Variants in SCX observed in about 807,000 individuals in gnomAD.
The protein encoded by SCX is basic helix-loop-helix transcription factor scleraxis.
A neutral mutation model predicts 12.2 loss-of-function variants in SCX; 7 were observed. That is an observed-to-expected ratio of 0.57 (90% CI 0.33 to 1.08). SCX has a LOEUF of 1.08. Among genes scored for constraint, SCX ranks in the 50% least tolerant of loss-of-function variants. SCX has a pLI of 0.04. For missense variants in SCX, 342 were observed against 337.2 expected (o/e 1.01, Z -0.11); for synonymous variants, 193 against 163.9 (o/e 1.18, Z -1.36).
At chr8:144,267,903 C>T (rs1197597772) in intron 1 of SCX, among the ~76,000 whole-genome samples, 1 of 152,242 alleles carries the variant, frequency 6.6e-6, no homozygotes. Context: ...GGGGCCTGAA[C>T]ATCTGGGAAA....
chr8:144,268,077 C>T, intron 1 of SCX, 27 bp from the exon 2 acceptor site: 10 of 1,549,848 alleles, frequency 6.5e-6, no homozygotes, highest in Non-Finnish European at 8.7e-6. Context: ...TCTGCCGGGG[C>T]CTGACACTCC....
At position 144,266,469 on chromosome 8, in the gene SCX, G is replaced by A; in HGVS notation, c.-145G>A. 5 of 981,962 alleles carry A rather than the reference G, an allele frequency of 5.1e-6. No individual in the cohort carries two copies. Among genetic ancestry groups the A allele is most frequent in the South Asian group, 9.4e-5 (2 of 21,364 alleles). The allele number at this position is 981,962 out of a possible 1,614,324, so 60.8% of individuals were successfully genotyped here. Reference sequence around the variant, plus strand: ...CCCCGCTCCGGCCCGGGACGCACATGTGCGCGCGACGCCCGGCAGCTGCCA... The same window carrying A: ...CCCCGCTCCGGCCCGGGACGCACATATGCGCGCGACGCCCGGCAGCTGCCA... On this transcript the variant is annotated 5_prime_UTR_variant, in exon 1 of 2. The change creates a new upstream start codon in the 5' untranslated region. Coordinates refer to ENST00000567180, the MANE Select transcript of SCX (RefSeq NM_001080514.3).
rs1845384969 is a variant in SCX, at chr8:144,266,977, A to G, written c.364A>G (p.Ser122Gly). The G allele has an allele frequency of 6.4e-7, 1 of 1,553,828 alleles. No individual in the cohort carries two copies. Among genetic ancestry groups the G allele is most frequent in the Non-Finnish European group, 8.6e-7 (1 of 1,156,180 alleles). ...GATTGAGACGCTGCGCCTGGCCTCCAGCTACATCTCGCACCTGGGCAACGT... is the reference window on the plus strand; with the variant it reads ...GATTGAGACGCTGCGCCTGGCCTCCGGCTACATCTCGCACCTGGGCAACGT... Reference protein sequence around the residue: ...SKIETLRLASSYISHLGNVLL... With the variant: ...SKIETLRLASGYISHLGNVLL... Residue 122 changes from serine (S) to glycine (G), a missense_variant, in exon 1 of 2, where the codon AGC becomes GGC. Physicochemically the swap from Ser to Gly is moderately conservative, Grantham distance 56. This residue lies in a region of SCX where 161 missense variants were observed against 155.7 expected (regional missense o/e 1.03). Coordinates refer to ENST00000567180, the MANE Select transcript of SCX (RefSeq NM_001080514.3).
Position 144,267,065 on chromosome 8 carries a change from A to T in SCX, c.452A>T (p.His151Leu). 6.9e-7 allele frequency: 1 copy of T among 1,441,922 alleles called. No homozygotes were observed. Among genetic ancestry groups the T allele is most frequent in the Non-Finnish European group, 9.1e-7 (1 of 1,102,192 alleles). 89.3% of individuals were successfully genotyped at this position (1,441,922 alleles called of 1,614,324 possible). ...TGCCACTCCGGGCCCGCCTTCTTCC[A>T]CGCGGCGCGCGCCGGCAGCCCCCCG... ...QPCHSGPAFF[H>L]AARAGSPPPP... The change falls in exon 1 of 2, where the codon CAC becomes CTC. Residue 151 changes from histidine to leucine, a missense_variant. Physicochemically the swap from His to Leu is moderately conservative, Grantham distance 99. Transcript: ENST00000567180.
In SCX at chr8:144,268,341, C is replaced by T; in HGVS notation, c.*199C>T. ...GCCGGCAGCGGGACTCTGCGCTGGC[C>T]CCAGCACCTGCCCGGGCCCACTGGA... is the stretch of plus-strand genomic sequence containing the variant. On this transcript the variant is annotated 3_prime_UTR_variant, in exon 2 of 2. Coordinates refer to ENST00000567180, the MANE Select transcript of SCX (RefSeq NM_001080514.3). 1.4e-6 allele frequency: 1 copy of T among 697,260 alleles called. No homozygotes were observed. The highest frequency in any genetic ancestry group is 2.4e-6 in the Non-Finnish European group (1 of 424,678). 43.2% of individuals were successfully genotyped at this position (697,260 alleles called of 1,614,324 possible).
rs1175220797 is a variant in SCX at position 144,267,099 on chromosome 8, C to T, written c.486C>T (p.Pro162=). The T allele has an allele frequency of 8.2e-5, 117 of 1,431,854 alleles. No homozygotes were observed. The African/African-American group carries it at 1.6e-3, about 19-fold the overall frequency. 88.7% of individuals were successfully genotyped at this position (1,431,854 alleles called of 1,614,324 possible). A position where few individuals can be genotyped will look rare whatever the true frequency, so the allele number is the denominator to read the frequency against. The change falls in exon 1 of 2, where the codon CCC becomes CCT. Residue 162 remains proline (P), a synonymous_variant. Transcript: ENST00000567180. ...AARAGSPPPP[P]PPPPARDGEN... ...GCGCCGGCAGCCCCCCGCCGCCGCC[C>T]CCGCCGCCTCCCGCCCGCGACGGCG...
At position 144,266,815 on chromosome 8, in the gene SCX, G is replaced by A; in HGVS notation, c.202G>A (p.Gly68Ser). The A allele has an allele frequency of 8.4e-7, 1 of 1,196,508 alleles. No homozygotes were observed. Among genetic ancestry groups the A allele is most frequent in the Non-Finnish European group, 1.0e-6 (1 of 958,162 alleles). The allele number at this position is 1,196,508 out of a possible 1,614,324, so 74.1% of individuals were successfully genotyped here. A position where few individuals can be genotyped will look rare whatever the true frequency, so the allele number is the denominator to read the frequency against. The change falls in exon 1 of 2, where the codon GGC becomes AGC. Residue 68 changes from glycine (G) to serine (S), a missense_variant. By Grantham distance (56) the Gly-to-Ser change is moderately conservative. Coordinates refer to ENST00000567180, the MANE Select transcript of SCX (RefSeq NM_001080514.3). The part of the protein sequence containing the change: ...GRRAGGGGPG[G>S]RPGREPRQRH... ...GCGGGCCGGGGGCGGGGGGCCAGGGGGCCGGCCAGGCCGTGAGCCCCGGCA... is the reference window on the plus strand; with the variant it reads ...GCGGGCCGGGGGCGGGGGGCCAGGGAGCCGGCCAGGCCGTGAGCCCCGGCA...
chr8:144,268,180 G>C lies in SCX; in HGVS notation c.*38G>C. On this transcript the variant is annotated 3_prime_UTR_variant, in exon 2 of 2. Transcript: ENST00000567180. ...AGCAGCCAGGAGGCAGACGCTGCTG[G>C]GGGAGGTGGACGCCCGGGGTGACTG... 4 of 1,549,582 alleles carry C rather than the reference G, an allele frequency of 2.6e-6. No homozygotes were observed. In the South Asian group the frequency reaches 3.6e-5, roughly 14 times the overall value.
At chr8:144,267,829 G>A (rs1242138507) in intron 1 of SCX, among the ~76,000 whole-genome samples, 3 of 152,330 alleles carry the variant, frequency 2.0e-5, no homozygotes, top group African/African-American at 7.2e-5. Context: ...GGTGAGCAGG[G>A]AGAAAATACG....
Position 144,267,115 on chromosome 8 carries a change from C to G in SCX, c.502C>G (p.Arg168Gly). The change falls in exon 1 of 2, where the codon CGC (arginine) becomes GGC (glycine). Residue 168 changes from arginine to glycine, a missense_variant. Transcript: ENST00000567180. ...PPPPPPPPPA[R>G]DGENTQPKQI... is the part of the protein sequence containing the mutation. Reference sequence around the variant, plus strand: ...GCCGCCGCCCCCGCCGCCTCCCGCCCGCGACGGCGAGAACACCCAGCCCAA... The same window carrying G: ...GCCGCCGCCCCCGCCGCCTCCCGCCGGCGACGGCGAGAACACCCAGCCCAA... The G allele has an allele frequency of 1.0e-5, 15 of 1,472,886 alleles. No individual in the cohort carries two copies. Among genetic ancestry groups the G allele is most frequent in the African/African-American group, 1.5e-5 (1 of 68,430 alleles). The allele number at this position is 1,472,886 out of a possible 1,614,324, so 91.2% of individuals were successfully genotyped here. A position where few individuals can be genotyped will look rare whatever the true frequency, so the allele number is the denominator to read the frequency against.
rs1347791873 is a variant in SCX, at chr8:144,268,146, G to C, written c.*4G>C. The C allele has an allele frequency of 1.9e-6, 3 of 1,551,050 alleles. No homozygotes were observed. The African/African-American group carries it at 4.1e-5, about 21-fold the overall frequency. On this transcript the variant is annotated 3_prime_UTR_variant, in exon 2 of 2. Transcript: ENST00000567180. ...AAAGACAGCGATTCGCAGTTAGGAG[G>C]TGGCCGGCAGCAGCCAGGAGGCAGA...
chr8:144,267,222 G>T (rs945557088), intron 1 of SCX, 42 bp downstream of exon 1: 4 of 1,476,856 alleles, frequency 2.7e-6, no homozygotes, highest in African/African-American at 3.0e-5. Context: ...CCTCCAACGC[G>T]CCCCTCAGCC....
rs1845388146 is a variant in SCX at position 144,267,068 on chromosome 8, C to G, written c.455C>G (p.Ala152Gly). 7.1e-7 allele frequency: 1 copy of G among 1,407,892 alleles called. No homozygotes were observed. The highest frequency in any genetic ancestry group is 9.2e-7 in the Non-Finnish European group (1 of 1,085,862). 87.2% of individuals were successfully genotyped at this position (1,407,892 alleles called of 1,614,324 possible). ...CACTCCGGGCCCGCCTTCTTCCACG[C>G]GGCGCGCGCCGGCAGCCCCCCGCCG... ...PCHSGPAFFH[A>G]ARAGSPPPPP... Residue 152 changes from alanine to glycine, a missense_variant, in exon 1 of 2, where the codon GCG becomes GGG. This residue lies in a region of SCX where 161 missense variants were observed against 155.7 expected (regional missense o/e 1.03). Transcript: ENST00000567180.
Position 144,266,724 on chromosome 8 carries a change from G to C in SCX, c.111G>C (p.Glu37Asp), listed in dbSNP as rs1169914481. 6 of 1,178,992 alleles carry C rather than the reference G, an allele frequency of 5.1e-6. No individual in the cohort carries two copies. The highest frequency in any genetic ancestry group is 4.3e-6 in the Non-Finnish European group (4 of 937,986). The allele number at this position is 1,178,992 out of a possible 1,614,324, so 73.0% of individuals were successfully genotyped here. ...GCAGCGACAGCTCGGGCTCCGACGA[G>C]AAACCCTGTCGCGTGCACGCGGCGC... is the stretch of plus-strand genomic sequence containing the variant. ...DRGSDSSGSD[E>D]KPCRVHAARC... Residue 37 changes from glutamate to aspartate, a missense_variant, in exon 1 of 2, where the codon GAG becomes GAC. This residue lies in a region of SCX where 139 missense variants were observed against 107.8 expected (regional missense o/e 1.29). Transcript: ENST00000567180.
Position 144,266,456 on chromosome 8 carries a change from C to G in SCX, c.-158C>G, listed in dbSNP as rs1262025256. The G allele has an allele frequency of 6.2e-6, 6 of 969,146 alleles. No individual in the cohort carries two copies. Among genetic ancestry groups the G allele is most frequent in the Non-Finnish European group, 7.4e-6 (6 of 815,400 alleles). 60.0% of individuals were successfully genotyped at this position (969,146 alleles called of 1,614,324 possible). ...GCGCAGCTCGGGGCCCCGCTCCGGC[C>G]CGGGACGCACATGTGCGCGCGACGC... On this transcript the variant is annotated 5_prime_UTR_variant, in exon 1 of 2. Coordinates refer to ENST00000567180, the MANE Select transcript of SCX (RefSeq NM_001080514.3).
intron 1 of SCX, among the ~76,000 whole-genome samples, chr8:144,267,640 C>A (rs1195120624): frequency 1.3e-5 from 2 of 152,206 alleles, no homozygotes; most frequent in Non-Finnish European, 2.9e-5. Flanking sequence ...CTGTCCGTCC[C>A]CCACCTAGGC....
chr8:144,266,920 C>CCCACCGAGCCCGCCGACCGCAAGCTCT lies in SCX; in HGVS notation c.311_337dup (p.Thr104_Ser112dup). The CCCACCGAGCCCGCCGACCGCAAGCTCT allele has an allele frequency of 6.4e-7, 1 of 1,552,796 alleles. No individual in the cohort carries two copies. The highest frequency in any genetic ancestry group is 8.7e-7 in the Non-Finnish European group (1 of 1,155,636). Reference sequence around the variant, plus strand: ...CTTCACGGCGCTGCGCACGCTGATCCCCACCGAGCCCGCCGACCGCAAGCT... The same window carrying CCCACCGAGCCCGCCGACCGCAAGCTCT: ...CTTCACGGCGCTGCGCACGCTGATCCCCACCGAGCCCGCCGACCGCAAGCTCTCCACCGAGCCCGCCGACCGCAAGCT... On this transcript the variant is annotated inframe_insertion, in exon 1 of 2. Coordinates refer to ENST00000567180, the MANE Select transcript of SCX (RefSeq NM_001080514.3).
At position 144,268,060 on chromosome 8, in the gene SCX, GCTGGGCTCTGCCGGGGCCTGACACTCCTC is replaced by G; in HGVS notation, c.568-42_568-14del. 1 of 1,549,356 alleles carries G rather than the reference GCTGGGCTCTGCCGGGGCCTGACACTCCTC, an allele frequency of 6.5e-7. No homozygotes were observed. Among genetic ancestry groups the G allele is most frequent in the Non-Finnish European group, 8.7e-7 (1 of 1,146,780 alleles). On this transcript the variant is annotated splice_polypyrimidine_tract_variant and intron_variant, in intron 1 of 1. Transcript: ENST00000567180. The stretch of plus-strand genomic sequence containing the variant: ...GGAGGCCAGAGAGGCGCAGACTGGC[GCTGGGCTCTGCCGGGGCCTGACACTCCTC>G]CCTCCCCTCTGCAGAGCAAGGACCG...
chr8:144,267,036 G>C lies in SCX; in HGVS notation c.423G>C (p.Gln141His). 6.6e-7 allele frequency: 1 copy of C among 1,505,000 alleles called. No individual in the cohort carries two copies. The highest frequency in any genetic ancestry group is 8.8e-7 in the Non-Finnish European group (1 of 1,134,542). 93.2% of individuals were successfully genotyped at this position (1,505,000 alleles called of 1,614,324 possible). Residue 141 changes from glutamine to histidine, a missense_variant, in exon 1 of 2, where the codon CAG (glutamine) becomes CAC (histidine). Physicochemically the swap from Gln to His is conservative, Grantham distance 24 (BLOSUM62 0). Transcript: ENST00000567180. ...CGGGCGAGGCCTGCGGCGACGGACA[G>C]CCCTGCCACTCCGGGCCCGCCTTCT... The part of the protein sequence containing the change: ...LLAGEACGDG[Q>H]PCHSGPAFFH...
Sources: gnomAD v4.1 joint callset for allele counts (sites outside exome capture counted in the v4.1 genomes callset) on GRCh38, gnomAD v4.1.1 for gene constraint, gnomAD v4.1.1 regional missense constraint, MANE v1.5 for transcripts, NCBI Gene and HGNC (gene_info 2026-07-23, HGNC 2026-07-21) for gene names.